WWOX: variants seen among roughly 807,000 people sequenced by gnomAD.
WWOX encodes WW domain containing oxidoreductase.
WWOX carries 69 observed loss-of-function variants against 46.2 expected under a neutral mutation model. The ratio of observed to expected loss-of-function variants is 1.49; its 90% CI spans 1.23 to 1.82. The LOEUF is 1.82. Ranked by LOEUF, WWOX falls within the 40% of genes most tolerant of loss-of-function variation. The pLI, the probability that WWOX is intolerant of heterozygous loss-of-function variation, is 0.00. For missense variants in WWOX, 919 were observed against 542.6 expected, an observed-to-expected ratio of 1.69 and a Z score of -6.89; for synonymous variants, 359 against 202.6, an observed-to-expected ratio of 1.77 and a Z score of -6.56.
chr16:78,582,362 G>C (rs1372167411), intron 8 of WWOX, among the ~76,000 whole-genome samples: 1 of 152,178 alleles, frequency 6.6e-6, no homozygotes, highest in East Asian at 1.9e-4. Flanking sequence ...ATTTAGACAA[G>C]AATGTGGCTT....
intron 8 of WWOX, among the ~76,000 whole-genome samples, chr16:79,102,877 T>G (rs771713720): frequency 7.9e-5 from 12 of 151,970 alleles, no homozygotes; most frequent in Non-Finnish European, 1.8e-4. Flanking sequence ...GAATGTCCTG[T>G]GTACTTGGGC....
intron 8 of WWOX, among the ~76,000 whole-genome samples, chr16:78,466,210 T>A (rs2084073189): frequency 6.6e-6 from 1 of 152,016 alleles, no homozygotes; most frequent in Non-Finnish European, 1.5e-5. Context: ...TTTTTGTGTT[T>A]TTAGTAGAGA....
In WWOX at chr16:78,733,234, G is replaced by T. The variant is rs557939753; in HGVS notation, c.1056+300482G>T. On this transcript the variant is annotated intron_variant, in intron 8 of 8. Transcript: ENST00000566780. Reference sequence around the variant, plus strand: ...AATATCATTTGCCATAAATACAAAGGATCCCTGAAAATAAATATACTGCCA... The same window carrying T: ...AATATCATTTGCCATAAATACAAAGTATCCCTGAAAATAAATATACTGCCA... Among the ~76,000 whole-genome samples the T allele has an allele frequency of 3.4e-4, 52 of 152,128 alleles. 1 individual carries two copies. The highest frequency in any genetic ancestry group is 1.8e-3 in the Admixed American group (28 of 15,276).
At chr16:78,835,677 G>T (rs767979230) in intron 8 of WWOX, among the ~76,000 whole-genome samples, 4 of 152,210 alleles carry the variant, frequency 2.6e-5, no homozygotes, top group Admixed American at 2.6e-4. Context: ...ACACACAGCA[G>T]TTCTGAAACT....
At chr16:79,036,043 A>C (rs1357748803) in intron 8 of WWOX, among the ~76,000 whole-genome samples, 1 of 150,744 alleles carries the variant, frequency 6.6e-6, no homozygotes, top group Admixed American at 6.6e-5. Context: ...AGCACAGTCC[A>C]CCTCTGTGGT....
At chr16:79,073,871 A>G (rs1475749111) in intron 8 of WWOX, among the ~76,000 whole-genome samples, 3 of 152,218 alleles carry the variant, frequency 2.0e-5, no homozygotes, top group Non-Finnish European at 4.4e-5. Context: ...TGTTCCAGGT[A>G]GTAATTTTAA....
chr16:78,773,434 C>T (rs534164423), intron 8 of WWOX, among the ~76,000 whole-genome samples: 1 of 152,178 alleles, frequency 6.6e-6, no homozygotes, highest in Non-Finnish European at 1.5e-5. Flanking sequence ...ACATTTGGCT[C>T]CCCTCGGGAC....
At chr16:78,887,080 GTGTGTGTGTGTGTGTGTGTGTGTGT>G (rs1567627164) in intron 8 of WWOX, among the ~76,000 whole-genome samples, 47,127 of 122,458 alleles carry the variant, frequency 0.38, 9,364 homozygotes, top group Non-Finnish European at 0.45. Context: ...TGTGTGTGGT[GTGTGTGTGTGTGTGTGTGTGTGTGT>G]GTGTGTGTGT....
chr16:78,705,446 A>G (rs931192391), intron 8 of WWOX, among the ~76,000 whole-genome samples: 2 of 152,200 alleles, frequency 1.3e-5, no homozygotes, highest in African/African-American at 4.8e-5. Flanking sequence ...TGTGTTCCCA[A>G]GTGGAGGCTC....
At chr16:78,254,604 C>G (rs1028717248) in intron 5 of WWOX, among the ~76,000 whole-genome samples, 2 of 150,284 alleles carry the variant, frequency 1.3e-5, no homozygotes, top group African/African-American at 4.9e-5. Flanking sequence ...CTCCCAGGCT[C>G]AAGTGATCCT....
chr16:78,863,506 T>G (rs2043937693), intron 8 of WWOX, among the ~76,000 whole-genome samples: 2 of 152,224 alleles, frequency 1.3e-5, no homozygotes. Context: ...TGGTCCCTGC[T>G]GATTTAGTGT....
chr16:78,433,883 G>A (rs2083279416), intron 8 of WWOX, among the ~76,000 whole-genome samples: 1 of 139,740 alleles, frequency 7.2e-6, no homozygotes. Context: ...TCCGCCTCCC[G>A]GGTTCACGCC....
chr16:78,223,304 C>T (rs1567438637), intron 5 of WWOX, among the ~76,000 whole-genome samples: 1 of 152,110 alleles, frequency 6.6e-6, no homozygotes, highest in Non-Finnish European at 1.5e-5. Flanking sequence ...GAACTTCCTA[C>T]AATGCACAGG....
chr16:78,434,657 C>G (rs1001889541), intron 8 of WWOX, among the ~76,000 whole-genome samples: 2 of 152,150 alleles, frequency 1.3e-5, no homozygotes, highest in African/African-American at 4.8e-5. Flanking sequence ...TTTTAAGGAG[C>G]TCGGTTCAGT....
At chr16:78,947,376 C>G (rs891577027) in intron 8 of WWOX, among the ~76,000 whole-genome samples, 26 of 151,554 alleles carry the variant, frequency 1.7e-4, no homozygotes, top group African/African-American at 6.1e-4. Flanking sequence ...TTTTCTCTTC[C>G]CCCCCTTAGC....
intron 8 of WWOX, chr16:78,898,296 C>G (rs1341617007): frequency 6.6e-6 from 1 of 152,110 alleles, no homozygotes; most frequent in Non-Finnish European, 1.5e-5. Flanking sequence ...GATCTATGTT[C>G]CATCTCAAAT....
chr16:78,338,021 T>G lies in WWOX; in HGVS notation c.517-48839T>G, dbSNP rs146780660. ...AGCTGATGAGGATAGCAGTTTCTTT[T>G]GTTCTTTTAAAACATATATAAAATT... On this transcript the variant is annotated intron_variant, in intron 5 of 8. Coordinates refer to ENST00000566780, the MANE Select transcript of WWOX (RefSeq NM_016373.4). Among the ~76,000 whole-genome samples the G allele has an allele frequency of 2.1e-4, 25 of 120,594 alleles. 4 individuals carry two copies. The highest frequency in any genetic ancestry group is 6.7e-4 in the African/African-American group (24 of 35,586). The allele number at this position is 120,594 out of a possible 152,430, so 79.1% of individuals were successfully genotyped here.
intron 8 of WWOX, among the ~76,000 whole-genome samples, chr16:78,988,829 A>C (rs1254100337): frequency 6.6e-6 from 1 of 152,146 alleles, no homozygotes; most frequent in Non-Finnish European, 1.5e-5. Flanking sequence ...GCTTGTGTGC[A>C]TCCCTGGGGC....
intron 5 of WWOX, among the ~76,000 whole-genome samples, chr16:78,349,223 C>G (rs1211506799): frequency 8.4e-6 from 1 of 119,732 alleles, no homozygotes; most frequent in Non-Finnish European, 2.0e-5. Flanking sequence ...TTCAGATGTC[C>G]TCTTCTTTGA....
Sources: gnomAD v4.1 joint callset for allele counts (sites outside exome capture counted in the v4.1 genomes callset) on GRCh38, gnomAD v4.1.1 for gene constraint, MANE v1.5 for transcripts, NCBI Gene and HGNC (gene_info 2026-07-23, HGNC 2026-07-21) for gene names.